The following HACL1 variants were observed in gnomAD, a reference collection of about 807,000 sequenced individuals.
The protein encoded by HACL1 is 1600020H07Rik.
HACL1 carries 64 observed loss-of-function variants against 74.2 expected under a neutral mutation model. The observed-to-expected ratio is 0.86, with a 90% CI of 0.70 to 1.06. The LOEUF (loss-of-function observed/expected upper bound fraction) is 1.06. Ranked by LOEUF, HACL1 falls within the 50% of genes least tolerant of loss-of-function variation. The pLI is 0.00. For missense variants in HACL1, 728 were observed against 719.7 expected (o/e 1.01, Z -0.13); for synonymous variants, 230 against 238.8 (o/e 0.96, Z 0.34).
At position 15,571,750 on chromosome 3, in the gene HACL1, T is replaced by C. The variant is rs1216933934; in HGVS notation, c.1013A>G (p.Lys338Arg). The change falls in exon 12 of 17, where the codon AAA (lysine) becomes AGA (arginine). Residue 338 changes from lysine (K) to arginine (R), a missense_variant. Physicochemically the swap from Lys to Arg is conservative, Grantham distance 26. Transcript: ENST00000321169. ...VTKQLLEELDKTPWQYPPESK... is the reference protein window; with the variant it reads ...VTKQLLEELDRTPWQYPPESK... ...CTCTGGAGGATACTGCCATGGTGTT[T>C]TATCAAGTTCCTCTAAAAGCTTAAA... is the stretch of plus-strand genomic sequence containing the variant. 1 of 1,448,764 alleles carries C rather than the reference T, an allele frequency of 6.9e-7. No homozygotes were observed. Among genetic ancestry groups the C allele is most frequent in the Non-Finnish European group, 9.6e-7 (1 of 1,038,610 alleles). The allele number at this position is 1,448,764 out of a possible 1,614,324, so 89.7% of individuals were successfully genotyped here.
intron 2 of HACL1, 185 bp downstream of exon 2, chr3:15,600,905 C>T: frequency 1.6e-6 from 1 of 617,776 alleles, no homozygotes; most frequent in Non-Finnish European, 2.9e-6. Context: ...GCAAGTTTTA[C>T]TTAACCTGTG....
Position 15,601,185 on chromosome 3 carries a change from A to C in HACL1, c.91T>G (p.Tyr31Asp). The change falls in exon 2 of 17, where the codon TAC becomes GAC. Residue 31 changes from tyrosine (Y) to aspartate (D), a missense_variant. Physicochemically the swap from Tyr to Asp is radical, Grantham distance 160. Transcript: ENST00000321169. Reference protein sequence around the residue: ...AQALKTQDVEYIFGIVGIPVT... With the variant: ...AQALKTQDVEDIFGIVGIPVT... Reference sequence around the variant, plus strand: ...GGGATGCCTACGATGCCAAATATGTACTCCACATCCTGAGGAACGAAGAAC... The same window carrying C: ...GGGATGCCTACGATGCCAAATATGTCCTCCACATCCTGAGGAACGAAGAAC... 6.2e-7 allele frequency: 1 copy of C among 1,611,370 alleles called. No homozygotes were observed. Among genetic ancestry groups the C allele is most frequent in the Non-Finnish European group, 8.5e-7 (1 of 1,177,550 alleles).
At chr3:15,579,537 T>C (rs1474143892) in intron 9 of HACL1, among the ~76,000 whole-genome samples, 3 of 152,158 alleles carry the variant, frequency 2.0e-5, no homozygotes, top group Non-Finnish European at 1.5e-5. Flanking sequence ...TGATGAAAAC[T>C]TTCCAAATTT....
chr3:15,567,853 G>C lies in HACL1; in HGVS notation c.1400C>G (p.Thr467Ser), dbSNP rs751708677. 1.2e-6 allele frequency: 2 copies of C among 1,613,396 alleles called. No individual in the cohort carries two copies. Among genetic ancestry groups the C allele is most frequent in the African/African-American group, 2.7e-5 (2 of 74,906 alleles). The change falls in exon 14 of 17, where the codon ACC becomes AGC. Residue 467 changes from threonine to serine, a missense_variant. Thr to Ser is a moderately conservative substitution (Grantham distance 58). Coordinates refer to ENST00000321169, the MANE Select transcript of HACL1 (RefSeq NM_012260.4). ...AFGFSGMEVETICRYNLPIIL... is the reference protein window; with the variant it reads ...AFGFSGMEVESICRYNLPIIL... Reference sequence around the variant, plus strand: ...CAGGATGATGTTTTACCTGCAGATGGTTTCTACCTCCATGCCAGAAAACCC... The same window carrying C: ...CAGGATGATGTTTTACCTGCAGATGCTTTCTACCTCCATGCCAGAAAACCC...
intron 16 of HACL1, 35 bp downstream of exon 16, chr3:15,563,323 G>A: frequency 7.1e-7 from 1 of 1,412,272 alleles, no homozygotes; most frequent in Non-Finnish European, 1.0e-6. Flanking sequence ...GGAAGCAGAT[G>A]CATTTCTTGC....
At chr3:15,584,363 G>A (rs913840329) in intron 7 of HACL1, among the ~76,000 whole-genome samples, 8 of 152,158 alleles carry the variant, frequency 5.3e-5, no homozygotes, top group Non-Finnish European at 8.8e-5. Flanking sequence ...GCCGAGGTTG[G>A]TGGATCACAA....
chr3:15,598,607 A>G (rs2064119357), intron 2 of HACL1, among the ~76,000 whole-genome samples: 2 of 152,228 alleles, frequency 1.3e-5, no homozygotes, highest in African/African-American at 4.8e-5. Flanking sequence ...TCTCAAGAAC[A>G]ATGAACTTGC....
In HACL1 at chr3:15,563,533, A is replaced by G. The variant is rs751383477; in HGVS notation, c.1529T>C (p.Met510Thr). Reference protein sequence around the residue: ...FQDATAVVPPMCLLPNSHYEQ... With the variant: ...FQDATAVVPPTCLLPNSHYEQ... ...ATAATGTGAATTTGGCAGCAAACAC[A>G]TTGGAGGGACCCTGAAAAACAAGGT... Residue 510 changes from methionine to threonine, a missense_variant, in exon 16 of 17, where the codon ATG becomes ACG. By Grantham distance (81) the Met-to-Thr change is moderately conservative (BLOSUM62 -1). Coordinates refer to ENST00000321169, the MANE Select transcript of HACL1 (RefSeq NM_012260.4). 10 of 1,604,448 alleles carry G rather than the reference A, an allele frequency of 6.2e-6. No homozygotes were observed. The highest frequency in any genetic ancestry group is 2.2e-5 in the East Asian group (1 of 44,796).
At chr3:15,573,070 C>T (rs2063563976) in intron 11 of HACL1, 89 bp downstream of exon 11, 8 of 768,676 alleles carry the variant, frequency 1.0e-5, no homozygotes, top group South Asian at 5.9e-5. Flanking sequence ...ATAGTAGACC[C>T]GTTACCAAGT....
intron 8 of HACL1, 47 bp from the exon 9 acceptor site, chr3:15,580,092 A>G: frequency 6.7e-7 from 1 of 1,488,660 alleles, no homozygotes; most frequent in Non-Finnish European, 9.2e-7. Context: ...AGCTATAGGC[A>G]CTGTGACCCT....
intron 5 of HACL1, among the ~76,000 whole-genome samples, chr3:15,586,971 A>G (rs2063806573): frequency 6.6e-6 from 1 of 152,220 alleles, no homozygotes; most frequent in East Asian, 1.9e-4. Context: ...GCAATTTCAC[A>G]GATAAGAATA....
chr3:15,564,183 T>C (rs1421442139), intron 15 of HACL1, among the ~76,000 whole-genome samples: 2 of 152,208 alleles, frequency 1.3e-5, no homozygotes, highest in East Asian at 1.9e-4. Flanking sequence ...GAAAGGAAGG[T>C]AGACCTCTGG....
chr3:15,572,571 T>C (rs1274836473), intron 11 of HACL1, among the ~76,000 whole-genome samples: 2 of 152,240 alleles, frequency 1.3e-5, no homozygotes, highest in Non-Finnish European at 2.9e-5. Flanking sequence ...TCCAGAGTGA[T>C]TTAATATGTG....
rs779937208 is a variant in HACL1, at chr3:15,596,451, A to G, written c.187-27T>C. ...TACGAGAAAACAACACTGGGACTTG[A>G]GCATATTGGGATCCTTATAGTACAT... On this transcript the variant is annotated intron_variant, in intron 2 of 16. Transcript: ENST00000321169. 10 of 1,474,464 alleles carry G rather than the reference A, an allele frequency of 6.8e-6. No homozygotes were observed. In the African/African-American group the frequency reaches 8.3e-5, roughly 12 times the overall value. 91.3% of individuals were successfully genotyped at this position (1,474,464 alleles called of 1,614,324 possible). A position where few individuals can be genotyped will look rare whatever the true frequency, so the allele number is the denominator to read the frequency against.
Position 15,568,502 on chromosome 3 carries a change from C to T in HACL1, c.1180G>A (p.Val394Met), listed in dbSNP as rs370023923. ...ATAGTATTTGCTCCTTCACTTACCACGAAACAGTCTCTAGGTAGTTGTTCT... is the reference window on the plus strand; with the variant it reads ...ATAGTATTTGCTCCTTCACTTACCATGAAACAGTCTCTAGGTAGTTGTTCT... ...VQEQLPRDCF[V>M]VSEGANTMDI... The change falls in exon 13 of 17, where the codon GTG (valine) becomes ATG (methionine). Residue 394 changes from valine (V) to methionine (M), a missense_variant. Coordinates refer to ENST00000321169, the MANE Select transcript of HACL1 (RefSeq NM_012260.4). 47 of 1,598,722 alleles carry T rather than the reference C, an allele frequency of 2.9e-5. No individual in the cohort carries two copies. The highest frequency in any genetic ancestry group is 1.7e-4 in the Admixed American group (10 of 59,910).
At chr3:15,573,105 GA>G in intron 11 of HACL1, 53 bp downstream of exon 11, 1 of 939,298 alleles carries the variant, frequency 1.1e-6, no homozygotes, top group East Asian at 2.4e-5. Flanking sequence ...ACATTTTCAA[GA>G]ATTGACTATT....
At chr3:15,592,213 T>C (rs1428883501) in intron 3 of HACL1, among the ~76,000 whole-genome samples, 4 of 149,974 alleles carry the variant, frequency 2.7e-5, no homozygotes, top group South Asian at 2.1e-4. Context: ...TACATGCGTG[T>C]ATATATGTAT....
chr3:15,590,619 T>A (rs913696572), intron 4 of HACL1, among the ~76,000 whole-genome samples: 1 of 152,174 alleles, frequency 6.6e-6, no homozygotes, highest in Non-Finnish European at 1.5e-5. Context: ...ACTAAATGAA[T>A]ATAAGAATTT....
intron 9 of HACL1, among the ~76,000 whole-genome samples, chr3:15,575,329 C>T (rs1023191944): frequency 6.6e-6 from 1 of 151,882 alleles, no homozygotes; most frequent in Non-Finnish European, 1.5e-5. Flanking sequence ...TCTTTTATTA[C>T]TTTTTTATAA....
Sources: allele counts gnomAD v4.1 joint callset (sites outside exome capture counted in the v4.1 genomes callset), GRCh38; gene constraint gnomAD v4.1.1; transcripts MANE v1.5; gene names NCBI Gene and HGNC (gene_info 2026-07-23, HGNC 2026-07-21).